Variants in POLR1D observed in about 807,000 individuals in gnomAD.
POLR1D encodes RNA polymerase I and III subunit D, also known as DNA-directed RNA polymerases I and III subunit RPAC2.
A neutral mutation model predicts 10.8 loss-of-function variants in POLR1D; 8 were observed. The ratio of observed to expected loss-of-function variants is 0.74; its 90% CI spans 0.43 to 1.33. The LOEUF is 1.33. Ranked by LOEUF, POLR1D falls within the 40% of genes most tolerant of loss-of-function variation. POLR1D has a pLI of 0.01. For missense variants in POLR1D, 152 were observed against 161.7 expected (o/e 0.94, Z 0.32); for synonymous variants, 54 against 57.2 (o/e 0.94, Z 0.25).
chr13:27,653,360 G>A (rs1039326793), intron 2 of POLR1D, among the ~76,000 whole-genome samples: 26 of 152,180 alleles, frequency 1.7e-4, no homozygotes, highest in African/African-American at 6.3e-4. Context: ...AGCAGATATT[G>A]AGGGACAACT....
At chr13:27,629,524 T>G (rs1332190133) in intron 1 of POLR1D, among the ~76,000 whole-genome samples, 1 of 152,212 alleles carries the variant, frequency 6.6e-6, no homozygotes, top group South Asian at 2.1e-4. Flanking sequence ...GTGAAAACTT[T>G]GAAACAAAAA....
At chr13:27,626,605 T>C (rs1956012751), downstream of POLR1D, among the ~76,000 whole-genome samples, 1 of 152,250 alleles carries the variant, frequency 6.6e-6, no homozygotes. Context: ...TTATACATCC[T>C]GTGAAAAGTT....
Position 27,622,909 on chromosome 13 carries a change from G to A in POLR1D, c.61G>A (p.Gly21Ser), listed in dbSNP as rs759527489. 6 of 1,611,066 alleles carry A rather than the reference G, an allele frequency of 3.7e-6. No individual in the cohort carries two copies. The South Asian group carries it at 6.6e-5, about 18-fold the overall frequency. ...TGGATTGAAGACCTCAATGGCTGAA[G>A]GCGAGAGGAAGACAGCCCTGGAAAT... ...ISGLKTSMAE[G>S]ERKTALEMVQ... The change falls in exon 2 of 2, where the codon GGC becomes AGC. Residue 21 changes from glycine (G) to serine (S), a missense_variant. Physicochemically the swap from Gly to Ser is moderately conservative, Grantham distance 56. Coordinates refer to ENST00000302979, the MANE Select transcript of POLR1D (RefSeq NM_015972.4).
intron 1 of POLR1D, among the ~76,000 whole-genome samples, chr13:27,643,371 C>T (rs1956192563): frequency 6.6e-6 from 1 of 152,066 alleles, no homozygotes; most frequent in African/African-American, 2.4e-5. Context: ...AATTTTTGTA[C>T]CTTTCTTTAG....
At chr13:27,633,848 A>G (rs974433992) in intron 1 of POLR1D, among the ~76,000 whole-genome samples, 1 of 152,214 alleles carries the variant, frequency 6.6e-6, no homozygotes, top group Non-Finnish European at 1.5e-5. Context: ...GGAGCTTGGA[A>G]TACTTAACAA....
rs903737313 is a variant in POLR1D at position 27,648,282 on chromosome 13, A to T, written c.27-97A>T. 9 of 832,638 alleles carry T rather than the reference A, an allele frequency of 1.1e-5. No individual in the cohort carries two copies. The African/African-American group carries it at 1.4e-4, about 13-fold the overall frequency. 51.6% of individuals were successfully genotyped at this position (832,638 alleles called of 1,614,324 possible). On this transcript the variant is annotated intron_variant, in intron 1 of 2. Coordinates refer to the POLR1D transcript ENST00000399697. ...TTTGCCCCAGCAATCATGCTTCAAA[A>T]GTTAGTTCCTTTCCCAAGATCATGG...
chr13:27,621,857 C>A (rs960494797), upstream of POLR1D: 2 of 988,864 alleles, frequency 2.0e-6, no homozygotes, highest in Non-Finnish European at 1.6e-6. Context: ...GCTCCTCCTC[C>A]CTCCTTCCGT....
chr13:27,655,057 G>A (rs1048906460), intron 2 of POLR1D, among the ~76,000 whole-genome samples: 2 of 152,092 alleles, frequency 1.3e-5, no homozygotes, highest in Non-Finnish European at 2.9e-5. Flanking sequence ...AGCAAAACAA[G>A]GAAAATAACT....
Position 27,622,057 on chromosome 13 carries a change from G to GC in POLR1D, c.26+49dup, listed in dbSNP as rs766149327. 91 of 1,541,382 alleles carry GC rather than the reference G, an allele frequency of 5.9e-5. 2 individuals carry two copies. The South Asian group carries it at 1.0e-3, about 17-fold the overall frequency. On this transcript the variant is annotated intron_variant, in intron 1 of 1. Coordinates refer to ENST00000302979, the MANE Select transcript of POLR1D (RefSeq NM_015972.4). Reference sequence around the variant, plus strand: ...GCGGAGCGGGCCGCGCCCAAGGGGAGCGGGTGGCCGAGGGGCACGCTGCCT... The same window carrying GC: ...GCGGAGCGGGCCGCGCCCAAGGGGAGCCGGGTGGCCGAGGGGCACGCTGCCT...
intron 1 of POLR1D, chr13:27,646,284 G>A (rs1956219828): frequency 6.6e-6 from 1 of 152,110 alleles, no homozygotes; most frequent in African/African-American, 2.4e-5. Context: ...GGCATATTTG[G>A]AATATTTATA....
At chr13:27,656,422 T>C (rs1268984108) in intron 2 of POLR1D, among the ~76,000 whole-genome samples, 1 of 152,238 alleles carries the variant, frequency 6.6e-6, no homozygotes, top group Non-Finnish European at 1.5e-5. Context: ...ACACATTTAT[T>C]GAGTACTTAG....
At chr13:27,664,033 T>C (rs1956391227) in intron 2 of POLR1D, among the ~76,000 whole-genome samples, 1 of 152,204 alleles carries the variant, frequency 6.6e-6, no homozygotes, top group South Asian at 2.1e-4. Flanking sequence ...AATACTGTTC[T>C]GAATCATTGC....
intron 2 of POLR1D, chr13:27,648,495 T>A: frequency 7.9e-7 from 1 of 1,262,244 alleles, no homozygotes; most frequent in South Asian, 1.2e-5. Flanking sequence ...TAAGAAAAAA[T>A]TCTTAGCTGG....
chr13:27,638,471 A>T (rs1463513216), intron 1 of POLR1D, among the ~76,000 whole-genome samples: 1 of 152,216 alleles, frequency 6.6e-6, no homozygotes, highest in Non-Finnish European at 1.5e-5. Context: ...AACACTTTTT[A>T]AAGAGCATGA....
chr13:27,650,175 A>G, intron 2 of POLR1D: 1 of 397,344 alleles, frequency 2.5e-6, no homozygotes. Flanking sequence ...AGCATGGAAT[A>G]TTGCCAAGCA....
In POLR1D at chr13:27,651,993, G is replaced by A. The variant is rs375772423; in HGVS notation, c.101+3540G>A. 1.8e-4 allele frequency among the ~76,000 whole-genome samples: 27 copies of A among 152,292 alleles called. No individual in the cohort carries two copies. The East Asian group carries it at 3.7e-3, about 21-fold the overall frequency. On this transcript the variant is annotated intron_variant, in intron 2 of 2. Coordinates refer to the POLR1D transcript ENST00000399697. ...CCTCTGTGCTTTACAGAAATAAGGTGCCTCTACTATTGTGAGTCAGATTAG... is the reference window on the plus strand; with the variant it reads ...CCTCTGTGCTTTACAGAAATAAGGTACCTCTACTATTGTGAGTCAGATTAG...
intron 1 of POLR1D, chr13:27,646,352 A>G (rs942340230): frequency 6.6e-6 from 1 of 152,204 alleles, no homozygotes; most frequent in Non-Finnish European, 1.5e-5. Context: ...TTTGGACCTT[A>G]TTAGGATAAA....
At chr13:27,666,020 G>A in exon 3 of POLR1D, 1 of 1,419,552 alleles carries the variant, frequency 7.0e-7, no homozygotes, top group South Asian at 1.2e-5. Context: ...GTGCGGAGAA[G>A]GCCTGAGCTG....
chr13:27,621,272 C>G (rs1168689427), upstream of POLR1D: 2 of 152,306 alleles, frequency 1.3e-5, no homozygotes, highest in African/African-American at 4.8e-5. Context: ...AGGTGGGAAA[C>G]AGTTTTCTCC....
Sources: allele counts gnomAD v4.1 joint callset (sites outside exome capture counted in the v4.1 genomes callset), GRCh38; gene constraint gnomAD v4.1.1; transcripts MANE v1.5; gene names NCBI Gene and HGNC (gene_info 2026-07-23, HGNC 2026-07-21).